The following WDR91 variants were observed in gnomAD, a reference collection of about 807,000 sequenced individuals.
The protein encoded by WDR91 is WD repeat-containing protein 91.
A neutral mutation model predicts 88.4 loss-of-function variants in WDR91; 52 were observed. That is an observed-to-expected ratio of 0.59 (90% CI 0.47 to 0.74). The LOEUF (loss-of-function observed/expected upper bound fraction) is 0.74. Among genes scored for constraint, WDR91 ranks in the 30% least tolerant of loss-of-function variants. The probability of loss-of-function intolerance (pLI) is 0.00; values close to 1 mark genes in which losing one functional copy is unlikely to be tolerated. For missense variants in WDR91, 824 were observed against 954.5 expected (o/e 0.86, Z 1.80); for synonymous variants, 362 against 389.5 (o/e 0.93, Z 0.83).
intron 7 of WDR91, 28 bp downstream of exon 7, chr7:135,197,965 C>A: frequency 6.2e-7 from 1 of 1,609,834 alleles, no homozygotes; most frequent in Non-Finnish European, 8.5e-7. Context: ...CATGAGTGTC[C>A]CCAGGGGTGT....
intron 2 of WDR91, 180 bp downstream of exon 2, chr7:135,209,396 T>A (rs1488522302): frequency 1.8e-6 from 1 of 545,264 alleles, no homozygotes; most frequent in Admixed American, 4.0e-5. Flanking sequence ...AGTCAGATGA[T>A]CTACAGATGA....
chr7:135,192,661 A>G (rs1363362279), intron 11 of WDR91, among the ~76,000 whole-genome samples: 1 of 152,258 alleles, frequency 6.6e-6, no homozygotes, highest in African/African-American at 2.4e-5. Context: ...GCATCAGGAA[A>G]CAATGTGTTC....
intron 1 of WDR91, among the ~76,000 whole-genome samples, chr7:135,210,442 A>T (rs1028631861): frequency 6.6e-6 from 1 of 152,214 alleles, no homozygotes. Context: ...GAGCTATGAG[A>T]CAATCTCCAC....
chr7:135,186,037 CAG>C lies in WDR91; in HGVS notation c.*112_*113del. ...GAGCCTCCTTGCCAGTCTTTCCCTGCAGAGTCACTGCACTGGCAGGGAGCTGG... is the reference window on the plus strand; with the variant it reads ...GAGCCTCCTTGCCAGTCTTTCCCTGCAGTCACTGCACTGGCAGGGAGCTGG... On this transcript the variant is annotated 3_prime_UTR_variant, in exon 15 of 15. Coordinates refer to ENST00000354475, the MANE Select transcript of WDR91 (RefSeq NM_014149.4). 2 of 1,267,906 alleles carry C rather than the reference CAG, an allele frequency of 1.6e-6. No individual in the cohort carries two copies. The highest frequency in any genetic ancestry group is 2.1e-6 in the Non-Finnish European group (2 of 947,286). The allele number at this position is 1,267,906 out of a possible 1,614,324, so 78.5% of individuals were successfully genotyped here.
In WDR91 at chr7:135,189,343, C is replaced by A; in HGVS notation, c.1768+1G>T. The A allele has an allele frequency of 6.2e-7, 1 of 1,613,068 alleles. No homozygotes were observed. Among genetic ancestry groups the A allele is most frequent in the Non-Finnish European group, 8.5e-7 (1 of 1,179,344 alleles). On this transcript the variant is annotated splice_donor_variant, in intron 12 of 14. Transcript: ENST00000354475. LOFTEE classifies it high-confidence loss of function. Reference sequence around the variant, plus strand: ...GGATTGCTATGAGCACACTTGCATACCAAACAGCCGGATGACGCCATCAGC... The same window carrying A: ...GGATTGCTATGAGCACACTTGCATAACAAACAGCCGGATGACGCCATCAGC...
At position 135,198,271 on chromosome 7, in the gene WDR91, T is replaced by A. The variant is rs368941667; in HGVS notation, c.892-120A>T. ...GTGGGTTGGGGGCAGGTGGTTAAAA[T>A]GGTGTTGGCTCAGCTATGTAGGTGA... On this transcript the variant is annotated intron_variant, in intron 6 of 14. Transcript: ENST00000354475. 104 of 1,209,882 alleles carry A rather than the reference T, an allele frequency of 8.6e-5. 1 individual carries two copies. In the African/African-American group the frequency reaches 1.3e-3, roughly 15 times the overall value. 74.9% of individuals were successfully genotyped at this position (1,209,882 alleles called of 1,614,324 possible). A position where few individuals can be genotyped will look rare whatever the true frequency, so the allele number is the denominator to read the frequency against.
chr7:135,189,473 T>C, intron 11 of WDR91, 21 bp from the exon 12 acceptor site: 1 of 1,603,620 alleles, frequency 6.2e-7, no homozygotes, highest in Non-Finnish European at 8.5e-7. Context: ...AAAACAAAAA[T>C]GTCAGTAGCA....
rs748497238 is a variant in WDR91, at chr7:135,192,366, C to CCT, written c.1659+863_1659+864dup. On this transcript the variant is annotated intron_variant, in intron 11 of 14. Coordinates refer to ENST00000354475, the MANE Select transcript of WDR91 (RefSeq NM_014149.4). Reference sequence around the variant, plus strand: ...CTCCTGGCCTCAAGCAATCCATCTGCCTCAGCTTCCCAAAGTGCTGGGATT... The same window carrying CCT: ...CTCCTGGCCTCAAGCAATCCATCTGCCTCTCAGCTTCCCAAAGTGCTGGGATT... Among the ~76,000 whole-genome samples, 6 of 152,328 alleles carry CCT rather than the reference C, an allele frequency of 3.9e-5. No homozygotes were observed. In the East Asian group the frequency reaches 9.6e-4, roughly 24 times the overall value.
At chr7:135,188,363 A>G in intron 13 of WDR91, 70 bp downstream of exon 13, 1 of 1,205,226 alleles carries the variant, frequency 8.3e-7, no homozygotes, top group Non-Finnish European at 1.2e-6. Context: ...AGTAACAGGT[A>G]TGGCCACAAC....
chr7:135,195,156 G>A (rs906080381), intron 8 of WDR91, 72 bp from the exon 9 acceptor site: 50 of 1,512,050 alleles, frequency 3.3e-5, no homozygotes, highest in Non-Finnish European at 4.1e-5. Context: ...ATGCCAAGAT[G>A]ATCACTTTCC....
intron 4 of WDR91, 150 bp downstream of exon 4, chr7:135,206,970 C>A: frequency 2.3e-6 from 1 of 442,436 alleles, no homozygotes; most frequent in Non-Finnish European, 4.1e-6. Context: ...TCCAAATCCC[C>A]AATACTGACT....
chr7:135,209,741 C>A lies in WDR91; in HGVS notation c.138G>T (p.Val46=). ...CCTGCATTAACTGCTGCAGCTGGTC[C>A]ACAATCTTATCCACCTGGCGAGAAA... ...KEKGFRVDKI[V]DQLQQLMQVY... Residue 46 remains valine, a synonymous_variant, in exon 2 of 15, where the codon GTG becomes GTT. Transcript: ENST00000354475. 6.3e-7 allele frequency: 1 copy of A among 1,599,132 alleles called. No homozygotes were observed. Among genetic ancestry groups the A allele is most frequent in the Non-Finnish European group, 8.5e-7 (1 of 1,171,968 alleles).
intron 7 of WDR91, 52 bp downstream of exon 7, chr7:135,197,941 T>C (rs292583): frequency 0.99 from 1,569,356 of 1,584,844 alleles, 777,904 homozygotes; most frequent in East Asian, 1. Context: ...CCCCACAGTG[T>C]TCCTCAGTAG....
intron 8 of WDR91, 71 bp from the exon 9 acceptor site, chr7:135,195,155 T>A: frequency 4.0e-6 from 6 of 1,515,796 alleles, no homozygotes; most frequent in Non-Finnish European, 5.4e-6. Flanking sequence ...AATGCCAAGA[T>A]GATCACTTTC....
intron 6 of WDR91, chr7:135,202,182 C>G (rs1199909506): frequency 2.0e-5 from 3 of 152,212 alleles, no homozygotes; most frequent in Non-Finnish European, 4.4e-5. Flanking sequence ...ATGAGCTCTG[C>G]ATCTTAGGAG....
Position 135,193,215 on chromosome 7 carries a change from C to T in WDR91, c.1659+16G>A, listed in dbSNP as rs763311087. ...GTGTGCCTGGCCCCAGAGAGAGCCA[C>T]AGGGCAGGCCCGTACCTGCTGCTTC... On this transcript the variant is annotated intron_variant, in intron 11 of 14. Transcript: ENST00000354475. 1 of 1,612,046 alleles carries T rather than the reference C, an allele frequency of 6.2e-7. No individual in the cohort carries two copies. The highest frequency in any genetic ancestry group is 1.1e-5 in the South Asian group (1 of 90,988).
At chr7:135,194,340 C>T (rs1831284437) in intron 9 of WDR91, among the ~76,000 whole-genome samples, 1 of 152,198 alleles carries the variant, frequency 6.6e-6, no homozygotes, top group Non-Finnish European at 1.5e-5. Context: ...AGGTCCTCAT[C>T]CATGAGGATA....
intron 6 of WDR91, among the ~76,000 whole-genome samples, chr7:135,200,775 C>T (rs1257893478): frequency 2.6e-5 from 4 of 152,210 alleles, no homozygotes; most frequent in Admixed American, 2.6e-4. Context: ...ATTTGACCTT[C>T]TCACTCTGGA....
chr7:135,195,953 GAAA>G (rs934458938), intron 8 of WDR91, among the ~76,000 whole-genome samples, 188 bp downstream of exon 8: 1 of 139,042 alleles, frequency 7.2e-6, no homozygotes, highest in Admixed American at 7.2e-5. Context: ...TCTCAATAAG[GAAA>G]AAAAAAAAAG....
Sources: allele counts gnomAD v4.1 joint callset (sites outside exome capture counted in the v4.1 genomes callset), GRCh38; gene constraint gnomAD v4.1.1; transcripts MANE v1.5; gene names NCBI Gene and HGNC (gene_info 2026-07-23, HGNC 2026-07-21).